IL7: variants seen among roughly 807,000 people sequenced by gnomAD.
The protein encoded by IL7 is interleukin-7.
A neutral mutation model predicts 21.6 loss-of-function variants in IL7; 3 were observed. That is an observed-to-expected ratio of 0.14 (90% CI 0.06 to 0.36). The LOEUF (loss-of-function observed/expected upper bound fraction) is 0.36. IL7 is among the 10% of genes least tolerant of loss of function. The probability of loss-of-function intolerance (pLI) is 1.00; values close to 1 mark genes in which losing one functional copy is unlikely to be tolerated. For synonymous variants in IL7, 62 were observed against 68.1 expected (o/e 0.91, Z 0.44); for missense variants, 175 against 200.2 (o/e 0.87, Z 0.76).
chr8:78,789,734 A>C (rs1813624276), intron 2 of IL7, among the ~76,000 whole-genome samples: 1 of 152,172 alleles, frequency 6.6e-6, no homozygotes, highest in Non-Finnish European at 1.5e-5. Context: ...GTAGAAGTCT[A>C]TAGAATAGAT....
At chr8:78,760,418 T>C in intron 2 of IL7, 1 of 1,598,130 alleles carries the variant, frequency 6.3e-7, no homozygotes, top group Non-Finnish European at 8.5e-7. Context: ...AAACTTGATG[T>C]CAGGCAGTTG....
chr8:78,728,533 T>A (rs922151752), downstream of IL7, among the ~76,000 whole-genome samples: 1 of 152,064 alleles, frequency 6.6e-6, no homozygotes, highest in African/African-American at 2.4e-5. Flanking sequence ...AGTAGTCTTT[T>A]CAACAAATGG....
intron 2 of IL7, among the ~76,000 whole-genome samples, chr8:78,742,104 T>C (rs780203055): frequency 3.3e-5 from 5 of 150,334 alleles, no homozygotes; most frequent in Non-Finnish European, 7.4e-5. Flanking sequence ...GTGAGGTCAG[T>C]AGTTCGAGAC....
chr8:78,802,461 C>T (rs561223777), intron 1 of IL7, among the ~76,000 whole-genome samples: 1 of 149,212 alleles, frequency 6.7e-6, no homozygotes, highest in East Asian at 2.0e-4. Context: ...TATGGAGTCT[C>T]ATTCTATCAT....
chr8:78,704,794 C>G (rs965818316), intron 3 of IL7, among the ~76,000 whole-genome samples: 1 of 152,096 alleles, frequency 6.6e-6, no homozygotes, highest in African/African-American at 2.4e-5. Flanking sequence ...TTTGTTCATT[C>G]CTTTTCATCC....
chr8:78,677,646 G>T (rs907937168), intron 4 of IL7, among the ~76,000 whole-genome samples: 1 of 149,686 alleles, frequency 6.7e-6, no homozygotes, highest in African/African-American at 2.5e-5. Context: ...ATTTAGTGGA[G>T]ACTTTTTTTT....
chr8:78,704,484 T>A (rs975774154), intron 3 of IL7, among the ~76,000 whole-genome samples: 3 of 152,136 alleles, frequency 2.0e-5, no homozygotes, highest in African/African-American at 7.2e-5. Flanking sequence ...TCTGATGGGC[T>A]TTCCTTTGTA....
intron 2 of IL7, among the ~76,000 whole-genome samples, chr8:78,748,967 T>C (rs910217581): frequency 6.6e-6 from 1 of 152,178 alleles, no homozygotes; most frequent in Non-Finnish European, 1.5e-5. Context: ...GGTAAATCTA[T>C]AATAAAACAT....
intron 2 of IL7, among the ~76,000 whole-genome samples, chr8:78,741,699 C>A (rs567897939): frequency 1.7e-4 from 26 of 152,248 alleles, no homozygotes; most frequent in African/African-American, 5.1e-4. Context: ...TTACCTAATG[C>A]TTGATATGGA....
downstream of IL7, chr8:78,717,208 G>T (rs1208379418): frequency 6.9e-6 from 6 of 863,554 alleles, no homozygotes; most frequent in Non-Finnish European, 8.3e-6. Context: ...TGAACTAGAG[G>T]AATATTAAAA....
At chr8:78,685,917 A>G (rs1349259221) in exon 4 of IL7, 1 of 152,416 alleles carries the variant, frequency 6.6e-6, no homozygotes, top group Admixed American at 6.5e-5. Context: ...GTCCAGGAGC[A>G]TAGTGCTAGC....
chr8:78,789,448 C>A (rs6473118), intron 2 of IL7, among the ~76,000 whole-genome samples: 1 of 152,062 alleles, frequency 6.6e-6, no homozygotes, highest in Non-Finnish European at 1.5e-5. Flanking sequence ...ATTTTTGAAG[C>A]AATATTTGGC....
In IL7 at chr8:78,691,886, T is replaced by G. The variant is rs939271961; in HGVS notation, n.215-5939A>C. 2.0e-5 allele frequency among the ~76,000 whole-genome samples: 3 copies of G among 152,126 alleles called. No homozygotes were observed. In the East Asian group the frequency reaches 5.8e-4, roughly 29 times the overall value. On this transcript the variant is annotated intron_variant and non_coding_transcript_variant, in intron 3 of 4. Coordinates refer to the IL7 transcript ENST00000523959. ...TGTATTGTTATACTTACTGCCTTATTTATATATTTATTGAAATTGTAAACG... is the reference window on the plus strand; with the variant it reads ...TGTATTGTTATACTTACTGCCTTATGTATATATTTATTGAAATTGTAAACG...
chr8:78,717,309 T>C, downstream of IL7: 1 of 1,598,008 alleles, frequency 6.3e-7, no homozygotes, highest in Non-Finnish European at 8.5e-7. Context: ...ATCTTTTCAT[T>C]GTTTCTTTAC....
chr8:78,800,453 T>G, intron 1 of IL7, among the ~76,000 whole-genome samples: 1 of 152,142 alleles, frequency 6.6e-6, no homozygotes, highest in East Asian at 1.9e-4. Context: ...TGCCCCACCA[T>G]GCCCAGCTAA....
At chr8:78,795,320 C>G (rs1348238837) in intron 2 of IL7, among the ~76,000 whole-genome samples, 1 of 151,988 alleles carries the variant, frequency 6.6e-6, no homozygotes, top group Non-Finnish European at 1.5e-5. Flanking sequence ...TTCATTGAGA[C>G]TTTCTTTCTC....
intron 3 of IL7, among the ~76,000 whole-genome samples, chr8:78,707,356 C>G (rs951544936): frequency 1.3e-5 from 2 of 152,138 alleles, no homozygotes; most frequent in Non-Finnish European, 2.9e-5. Context: ...AGGCGCTGAC[C>G]TTGGAGTTAG....
At chr8:78,697,572 A>C in intron 3 of IL7, 2 of 1,162,294 alleles carry the variant, frequency 1.7e-6, no homozygotes, top group Non-Finnish European at 1.3e-6. Flanking sequence ...GGAAATAAAG[A>C]TAGTGGTCTA....
chr8:78,691,683 C>G (rs1484527185), intron 3 of IL7, among the ~76,000 whole-genome samples: 1 of 151,852 alleles, frequency 6.6e-6, no homozygotes, highest in Non-Finnish European at 1.5e-5. Context: ...ATTTCATTTT[C>G]TTTTTTGGCT....
Sources: allele counts gnomAD v4.1 joint callset (sites outside exome capture counted in the v4.1 genomes callset), GRCh38; gene constraint gnomAD v4.1.1; transcripts MANE v1.5; gene names NCBI Gene and HGNC (gene_info 2026-07-23, HGNC 2026-07-21).